Variants in KCNC2 observed in about 807,000 individuals in gnomAD.
KCNC2 encodes potassium voltage-gated channel subfamily C member 2.
Under a neutral mutation model 44.5 loss-of-function variants are expected in KCNC2, and 21 were observed. The observed-to-expected ratio is 0.47, with a 90% CI of 0.33 to 0.68. The LOEUF (loss-of-function observed/expected upper bound fraction) is 0.68, where lower values mean the gene tolerates loss of function less well. Ranked by LOEUF, KCNC2 falls within the 30% of genes least tolerant of loss-of-function variation. The probability of loss-of-function intolerance (pLI) is 0.01; values close to 1 mark genes in which losing one functional copy is unlikely to be tolerated. For missense variants in KCNC2, 589 were observed against 826.2 expected (o/e 0.71, Z 3.52); for synonymous variants, 391 against 339.1 (o/e 1.15, Z -1.68).
At chr12:75,125,645 A>G (rs1272492376) in intron 2 of KCNC2, among the ~76,000 whole-genome samples, 1 of 152,158 alleles carries the variant, frequency 6.6e-6, no homozygotes, top group Non-Finnish European at 1.5e-5. Context: ...TTTTCATATC[A>G]CTTTTTGCGA....
At chr12:75,153,970 C>A (rs1022347050) in intron 2 of KCNC2, among the ~76,000 whole-genome samples, 3 of 151,706 alleles carry the variant, frequency 2.0e-5, no homozygotes, top group African/African-American at 7.3e-5. Context: ...GAGAGGCAGG[C>A]ACATTCTGCG....
At chr12:75,075,044 T>C (rs934989714) in intron 2 of KCNC2, among the ~76,000 whole-genome samples, 3 of 152,128 alleles carry the variant, frequency 2.0e-5, no homozygotes, top group Admixed American at 1.3e-4. Context: ...AAGTTTCATG[T>C]GGAGAAGTAG....
intron 2 of KCNC2, among the ~76,000 whole-genome samples, chr12:75,077,002 G>T (rs1884046010): frequency 6.8e-6 from 1 of 148,108 alleles, no homozygotes; most frequent in Non-Finnish European, 1.5e-5. Context: ...AAATCTTATT[G>T]TGTGTATTTC....
intron 4 of KCNC2, among the ~76,000 whole-genome samples, chr12:75,046,823 T>C (rs1478102816): frequency 6.6e-6 from 1 of 151,946 alleles, no homozygotes; most frequent in African/African-American, 2.4e-5. Flanking sequence ...TTTAAAATAT[T>C]ACTCATGAAA....
intron 2 of KCNC2, among the ~76,000 whole-genome samples, chr12:75,181,077 C>A (rs1236769218): frequency 6.6e-6 from 1 of 152,064 alleles, no homozygotes; most frequent in Non-Finnish European, 1.5e-5. Flanking sequence ...AATCTTCAAT[C>A]TCTAAGCAGA....
intron 2 of KCNC2, among the ~76,000 whole-genome samples, chr12:75,086,689 T>C (rs968397403): frequency 7.7e-6 from 1 of 129,222 alleles, no homozygotes; most frequent in Non-Finnish European, 1.5e-5. Flanking sequence ...AAAATATATA[T>C]ATATATATAT....
chr12:75,078,345 C>T (rs574969674), intron 2 of KCNC2, among the ~76,000 whole-genome samples: 77 of 152,264 alleles, frequency 5.1e-4, no homozygotes, highest in African/African-American at 1.8e-3. Context: ...TTAACTTCCA[C>T]CTTTCCTCAA....
At position 75,117,009 on chromosome 12, in the gene KCNC2, AT is replaced by A. The variant is rs1259416274; in HGVS notation, c.688-65693del. Among the ~76,000 whole-genome samples, 6 of 151,420 alleles carry A rather than the reference AT, an allele frequency of 4.0e-5. No homozygotes were observed. In the East Asian group the frequency reaches 9.7e-4, roughly 25 times the overall value. ...TACGATTCCATTCACATAGCAACAC[AT>A]TTTTTTTCTTCTGTTTTGGGCACAG... On this transcript the variant is annotated intron_variant, in intron 2 of 4. Coordinates refer to ENST00000549446, the MANE Select transcript of KCNC2 (RefSeq NM_139137.4).
At position 75,041,434 on chromosome 12, in the gene KCNC2, G is replaced by C; in HGVS notation, c.*1671C>G. 3.1e-6 allele frequency: 4 copies of C among 1,286,366 alleles called. No homozygotes were observed. Among genetic ancestry groups the C allele is most frequent in the Non-Finnish European group, 4.0e-6 (4 of 1,010,544 alleles). 79.7% of individuals were successfully genotyped at this position (1,286,366 alleles called of 1,614,324 possible). A position where few individuals can be genotyped will look rare whatever the true frequency, so the allele number is the denominator to read the frequency against. On this transcript the variant is annotated 3_prime_UTR_variant, in exon 5 of 5. Coordinates refer to ENST00000549446, the MANE Select transcript of KCNC2 (RefSeq NM_139137.4). The stretch of plus-strand genomic sequence containing the variant: ...ACATGTTTCGTGGCCAATAATAAAA[G>C]TGACAATTGTCTTCCTAACAAAAAA...
At chr12:75,175,209 G>T (rs1439741116) in intron 2 of KCNC2, among the ~76,000 whole-genome samples, 1 of 151,896 alleles carries the variant, frequency 6.6e-6, no homozygotes, top group Non-Finnish European at 1.5e-5. Context: ...GGTGAGAGAG[G>T]CATTAGCCTC....
intron 2 of KCNC2, among the ~76,000 whole-genome samples, chr12:75,158,341 T>G (rs1890895966): frequency 6.6e-6 from 1 of 151,898 alleles, no homozygotes; most frequent in South Asian, 2.1e-4. Flanking sequence ...TTATGGACAA[T>G]TTTAATAAGA....
intron 2 of KCNC2, among the ~76,000 whole-genome samples, chr12:75,131,978 G>T (rs540479770): frequency 6.6e-6 from 1 of 152,098 alleles, no homozygotes; most frequent in East Asian, 1.9e-4. Flanking sequence ...GTGTTAATTT[G>T]TTACAGTAGC....
In KCNC2 at chr12:75,207,541, A is replaced by G; in HGVS notation, c.443T>C (p.Val148Ala). 1 of 1,612,166 alleles carries G rather than the reference A, an allele frequency of 6.2e-7. No individual in the cohort carries two copies. The highest frequency in any genetic ancestry group is 8.5e-7 in the Non-Finnish European group (1 of 1,179,876). ...LAFWGIDETDVEPCCWMTYRQ... is the reference protein window; with the variant it reads ...LAFWGIDETDAEPCCWMTYRQ... The stretch of plus-strand genomic sequence containing the variant: ...GTAGGTCATCCAGCAGCAGGGCTCC[A>G]CGTCGGTCTCGTCGATGCCCCAGAA... Residue 148 changes from valine (V) to alanine (A), a missense_variant, in exon 2 of 5, where the codon GTG (valine) becomes GCG (alanine). Val to Ala is a moderately conservative substitution (Grantham distance 64). Coordinates refer to ENST00000549446, the MANE Select transcript of KCNC2 (RefSeq NM_139137.4). This position sits in a 1 kb window ranked among gnomAD's most constrained non-coding sequence, Gnocchi z 4.1.
intron 2 of KCNC2, among the ~76,000 whole-genome samples, chr12:75,096,059 C>T (rs539321975): frequency 2.0e-5 from 3 of 152,058 alleles, no homozygotes; most frequent in Non-Finnish European, 4.4e-5. Context: ...TCCACTCTTT[C>T]CCTGTCACAG....
chr12:75,095,231 T>C (rs1426596203), intron 2 of KCNC2, among the ~76,000 whole-genome samples: 1 of 151,880 alleles, frequency 6.6e-6, no homozygotes, highest in Non-Finnish European at 1.5e-5. Context: ...CTATGATCTT[T>C]ATCTTCAAGT....
At chr12:75,127,037 T>C (rs989966641) in intron 2 of KCNC2, among the ~76,000 whole-genome samples, 1 of 152,208 alleles carries the variant, frequency 6.6e-6, no homozygotes, top group African/African-American at 2.4e-5. Context: ...TAATGTATTG[T>C]GTATTTCTAA....
At chr12:75,082,522 ATT>A (rs148537576) in intron 2 of KCNC2, among the ~76,000 whole-genome samples, 93,826 of 137,674 alleles carry the variant, frequency 0.68, 31,736 homozygotes, top group Non-Finnish European at 0.73. Context: ...CACCCACGAG[ATT>A]TTTTTTTTTT....
At chr12:75,175,724 C>G (rs911094500) in intron 2 of KCNC2, among the ~76,000 whole-genome samples, 1 of 151,974 alleles carries the variant, frequency 6.6e-6, no homozygotes, top group Non-Finnish European at 1.5e-5. Flanking sequence ...GTAGTAAAAG[C>G]AGGAAATAAA....
At chr12:75,185,908 T>C (rs1216308669) in intron 2 of KCNC2, among the ~76,000 whole-genome samples, 1 of 151,808 alleles carries the variant, frequency 6.6e-6, no homozygotes, top group Non-Finnish European at 1.5e-5. Flanking sequence ...TAGCCGGTCA[T>C]GGTGGCAGGT....
Sources: gnomAD v4.1 joint callset for allele counts (sites outside exome capture counted in the v4.1 genomes callset) on GRCh38, gnomAD v4.1.1 for gene constraint, Gnocchi (gnomAD v3.1) non-coding constraint, MANE v1.5 for transcripts, NCBI Gene and HGNC (gene_info 2026-07-23, HGNC 2026-07-21) for gene names.